The following PAPPA2 variants were observed in gnomAD, a reference collection of about 807,000 sequenced individuals.
PAPPA2 encodes pappalysin 2, also known as pappalysin-2.
PAPPA2 carries 86 observed loss-of-function variants against 176.4 expected under a neutral mutation model. That is an observed-to-expected ratio of 0.49 (90% CI 0.41 to 0.58). The LOEUF (loss-of-function observed/expected upper bound fraction) is 0.58. PAPPA2 is among the 20% of genes least tolerant of loss of function. PAPPA2 has a pLI of 0.00. For missense variants in PAPPA2, 2,073 were observed against 2,256.9 expected (o/e 0.92, Z 1.65); for synonymous variants, 809 against 852.2 (o/e 0.95, Z 0.88).
At chr1:176,791,237 T>A in intron 18 of PAPPA2, 110 bp from the exon 19 acceptor site, 1 of 721,674 alleles carries the variant, frequency 1.4e-6, no homozygotes, top group Non-Finnish European at 2.0e-6. Flanking sequence ...TAGTGTCTTT[T>A]GGTCCAGGTT....
At chr1:176,626,369 C>G (rs1656014524) in intron 3 of PAPPA2, among the ~76,000 whole-genome samples, 2 of 152,116 alleles carry the variant, frequency 1.3e-5, no homozygotes, top group Non-Finnish European at 2.9e-5. Flanking sequence ...GCTTCTTTGG[C>G]TAAACATTAT....
At chr1:176,637,193 A>G (rs935618692) in intron 3 of PAPPA2, among the ~76,000 whole-genome samples, 11 of 152,126 alleles carry the variant, frequency 7.2e-5, no homozygotes, top group African/African-American at 2.7e-4. Flanking sequence ...GCACTTGCAG[A>G]AGGATAAGGA....
chr1:176,827,471 TG>T (rs1292410953), intron 21 of PAPPA2, among the ~76,000 whole-genome samples: 8 of 152,214 alleles, frequency 5.3e-5, no homozygotes, highest in Non-Finnish European at 1.0e-4. Flanking sequence ...CCCATTTCTC[TG>T]CCAAAATCCT....
chr1:176,681,844 AG>A (rs1218315708), intron 4 of PAPPA2, among the ~76,000 whole-genome samples: 2 of 152,160 alleles, frequency 1.3e-5, no homozygotes, highest in Non-Finnish European at 2.9e-5. Context: ...AGAGAAGGAA[AG>A]GGTAAGCAAT....
chr1:176,751,329 A>G (rs1191803089), intron 14 of PAPPA2, among the ~76,000 whole-genome samples: 1 of 151,034 alleles, frequency 6.6e-6, no homozygotes, highest in African/African-American at 2.4e-5. Context: ...ACAAAAGCCA[A>G]AATTGACAAA....
At chr1:176,686,312 G>C (rs1659837563) in intron 4 of PAPPA2, among the ~76,000 whole-genome samples, 1 of 152,136 alleles carries the variant, frequency 6.6e-6, no homozygotes, top group South Asian at 2.1e-4. Flanking sequence ...GGGCAGGAAA[G>C]AAAATGAGTG....
At chr1:176,560,476 C>T (rs1651600004) in intron 2 of PAPPA2, among the ~76,000 whole-genome samples, 1 of 152,182 alleles carries the variant, frequency 6.6e-6, no homozygotes, top group Admixed American at 6.5e-5. Flanking sequence ...GGCCTATTTC[C>T]CATAGCGGAG....
At chr1:176,469,407 A>G (rs1241843811) in intron 1 of PAPPA2, among the ~76,000 whole-genome samples, 1 of 152,106 alleles carries the variant, frequency 6.6e-6, no homozygotes, top group Admixed American at 6.5e-5. Flanking sequence ...GGCACACGCT[A>G]TAACACACAC....
intron 1 of PAPPA2, among the ~76,000 whole-genome samples, chr1:176,490,857 C>T (rs1184436892): frequency 1.3e-5 from 2 of 152,106 alleles, no homozygotes; most frequent in Non-Finnish European, 1.5e-5. Flanking sequence ...CTCAGGTTCC[C>T]AACGCCCCAA....
At chr1:176,505,396 A>T (rs1000501439) in intron 1 of PAPPA2, among the ~76,000 whole-genome samples, 1 of 152,122 alleles carries the variant, frequency 6.6e-6, no homozygotes, top group African/African-American at 2.4e-5. Flanking sequence ...TGAACAAAGT[A>T]CATGAGACAA....
At chr1:176,614,469 A>T (rs925396404) in intron 3 of PAPPA2, among the ~76,000 whole-genome samples, 1 of 152,228 alleles carries the variant, frequency 6.6e-6, no homozygotes, top group Non-Finnish European at 1.5e-5. Context: ...GAACTAAGCA[A>T]ACCATTTGAG....
chr1:176,541,712 C>T lies in PAPPA2; in HGVS notation c.-916-13695C>T, dbSNP rs990424577. ...ACTTTAACGAGAAGTATTTTTTGTA[C>T]TCTTTAAATATACATTCCCAAGAAG... is the stretch of plus-strand genomic sequence containing the variant. On this transcript the variant is annotated intron_variant, in intron 1 of 22. Transcript: ENST00000367662. 3.9e-5 allele frequency among the ~76,000 whole-genome samples: 6 copies of T among 152,166 alleles called. No homozygotes were observed. In the East Asian group the frequency reaches 7.7e-4, roughly 20 times the overall value.
At chr1:176,813,791 T>G (rs1666270202) in intron 21 of PAPPA2, among the ~76,000 whole-genome samples, 1 of 152,244 alleles carries the variant, frequency 6.6e-6, no homozygotes, top group African/African-American at 2.4e-5. Context: ...TTTAGTTTAA[T>G]TAGATCCCAT....
At chr1:176,807,240 T>C (rs1665943758) in intron 21 of PAPPA2, among the ~76,000 whole-genome samples, 1 of 152,124 alleles carries the variant, frequency 6.6e-6, no homozygotes, top group Non-Finnish European at 1.5e-5. Context: ...TTAATTCTCA[T>C]AGAACAGTGA....
intron 21 of PAPPA2, among the ~76,000 whole-genome samples, chr1:176,806,029 T>G (rs1055175181): frequency 6.7e-6 from 1 of 150,298 alleles, no homozygotes; most frequent in Non-Finnish European, 1.5e-5. Context: ...GCAATTCAAT[T>G]ACATCTAGTT....
At chr1:176,640,683 A>G (rs1657026340) in intron 3 of PAPPA2, among the ~76,000 whole-genome samples, 1 of 152,024 alleles carries the variant, frequency 6.6e-6, no homozygotes, top group Non-Finnish European at 1.5e-5. Context: ...AGCATGATTT[A>G]TAGTCCTTTG....
At chr1:176,784,861 C>T (rs1664865221) in intron 17 of PAPPA2, among the ~76,000 whole-genome samples, 1 of 152,170 alleles carries the variant, frequency 6.6e-6, no homozygotes, top group Non-Finnish European at 1.5e-5. Flanking sequence ...GCTGGGATTA[C>T]AGGCATGAGC....
chr1:176,552,596 T>C (rs1440029921), intron 1 of PAPPA2, among the ~76,000 whole-genome samples: 1 of 152,090 alleles, frequency 6.6e-6, no homozygotes, highest in East Asian at 1.9e-4. Flanking sequence ...CCGCTCCTCT[T>C]GCAAAAAACT....
intron 1 of PAPPA2, among the ~76,000 whole-genome samples, chr1:176,529,516 G>A (rs1454785913): frequency 6.6e-6 from 1 of 151,970 alleles, no homozygotes; most frequent in East Asian, 1.9e-4. Flanking sequence ...AAGGTTATAT[G>A]GCATTTTCTT....
Sources: allele counts gnomAD v4.1 joint callset (sites outside exome capture counted in the v4.1 genomes callset), GRCh38; gene constraint gnomAD v4.1.1; transcripts MANE v1.5; gene names NCBI Gene and HGNC (gene_info 2026-07-23, HGNC 2026-07-21).